ROBO1: variants seen among roughly 807,000 people sequenced by gnomAD.
ROBO1 encodes the protein roundabout homolog 1.
Under a neutral mutation model 195.9 loss-of-function variants are expected in ROBO1, and 149 were observed. The observed-to-expected ratio is 0.76, with a 90% CI of 0.67 to 0.87. ROBO1 has a LOEUF of 0.87. Ranked by LOEUF, ROBO1 falls within the 40% of genes least tolerant of loss-of-function variation. The probability of loss-of-function intolerance (pLI) is 0.00; values close to 1 mark genes in which losing one functional copy is unlikely to be tolerated. For missense variants in ROBO1, 1,933 were observed against 2,068.3 expected, an observed-to-expected ratio of 0.93 and a Z score of 1.27; for synonymous variants, 816 against 733.2, an observed-to-expected ratio of 1.11 and a Z score of -1.82.
intron 2 of ROBO1, among the ~76,000 whole-genome samples, chr3:79,583,564 A>G (rs190338919): frequency 2.0e-5 from 3 of 152,118 alleles, no homozygotes. Flanking sequence ...CCATCTATAA[A>G]TGTACCCATT....
At chr3:79,206,688 A>G (rs1435472623) in intron 2 of ROBO1, among the ~76,000 whole-genome samples, 1 of 152,144 alleles carries the variant, frequency 6.6e-6, no homozygotes, top group Non-Finnish European at 1.5e-5. Context: ...ATTTTAAAAT[A>G]TATCACTTCC....
intron 2 of ROBO1, among the ~76,000 whole-genome samples, chr3:79,276,897 C>G (rs1407895624): frequency 2.6e-5 from 4 of 151,892 alleles, no homozygotes; most frequent in Admixed American, 2.6e-4. Context: ...CAGATAAATG[C>G]AAATCAAAAA....
chr3:79,279,797 T>C (rs558685889), intron 2 of ROBO1, among the ~76,000 whole-genome samples: 28 of 152,186 alleles, frequency 1.8e-4, no homozygotes, highest in African/African-American at 6.5e-4. Flanking sequence ...TTGTGTGTCA[T>C]AGGTGTCCAA....
At chr3:79,442,451 C>T (rs150361532) in intron 2 of ROBO1, among the ~76,000 whole-genome samples, 1 of 152,162 alleles carries the variant, frequency 6.6e-6, no homozygotes, top group East Asian at 1.9e-4. Flanking sequence ...ATGTAACTAT[C>T]TTATTTCTCT....
intron 2 of ROBO1, among the ~76,000 whole-genome samples, chr3:79,407,893 TTCTAAG>T (rs1362046348): frequency 1.3e-5 from 2 of 152,162 alleles, no homozygotes; most frequent in African/African-American, 4.8e-5. Context: ...CAATGGACTC[TTCTAAG>T]TCTTATTTTC....
intron 2 of ROBO1, among the ~76,000 whole-genome samples, chr3:79,137,255 G>T (rs1012894361): frequency 6.6e-6 from 1 of 151,968 alleles, no homozygotes; most frequent in Admixed American, 6.6e-5. Flanking sequence ...ATTTGAAAAC[G>T]TTGTCTTCCA....
intron 2 of ROBO1, among the ~76,000 whole-genome samples, chr3:79,342,023 A>G (rs923300961): frequency 3.9e-5 from 6 of 152,188 alleles, no homozygotes; most frequent in Non-Finnish European, 8.8e-5. Context: ...GGGCTTTCCA[A>G]TTGAAGGGAA....
At chr3:78,613,586 A>G (rs1003589233) in intron 28 of ROBO1, among the ~76,000 whole-genome samples, 2 of 152,210 alleles carry the variant, frequency 1.3e-5, no homozygotes, top group African/African-American at 2.4e-5. Context: ...AATATCAGAT[A>G]GATGCCAGTG....
At chr3:78,840,304 C>A (rs1388917306) in intron 4 of ROBO1, among the ~76,000 whole-genome samples, 1 of 152,168 alleles carries the variant, frequency 6.6e-6, no homozygotes, top group Non-Finnish European at 1.5e-5. Context: ...ATGAAACAAA[C>A]AGTCCATAGA....
chr3:78,845,428 T>C (rs1408013729), intron 4 of ROBO1, among the ~76,000 whole-genome samples: 1 of 152,114 alleles, frequency 6.6e-6, no homozygotes, highest in African/African-American at 2.4e-5. Flanking sequence ...AAATTACACA[T>C]GTGGCTCATA....
intron 8 of ROBO1, among the ~76,000 whole-genome samples, chr3:78,690,907 C>T (rs1456641911): frequency 6.6e-6 from 1 of 152,108 alleles, no homozygotes; most frequent in Non-Finnish European, 1.5e-5. Flanking sequence ...TCTCCTCAAA[C>T]CTCAAAGACT....
intron 3 of ROBO1, 62 bp downstream of exon 3, chr3:79,125,394 A>ATGGT: frequency 7.7e-7 from 1 of 1,297,604 alleles, no homozygotes. Context: ...CAGGTGGTTG[A>ATGGT]TGGTTGATGG....
intron 8 of ROBO1, among the ~76,000 whole-genome samples, chr3:78,711,326 TC>T (rs1559772452): frequency 3.9e-4 from 38 of 96,906 alleles, no homozygotes; most frequent in African/African-American, 1.5e-3. Flanking sequence ...TCTCTCTCTC[TC>T]CTTCCTTCCT....
intron 3 of ROBO1, among the ~76,000 whole-genome samples, chr3:79,056,517 G>A (rs753776795): frequency 3.4e-4 from 51 of 152,198 alleles, no homozygotes; most frequent in East Asian, 5.8e-4. Context: ...ACCTCAAAAA[G>A]TTCACATTCG....
chr3:79,188,670 A>G (rs897709532), intron 2 of ROBO1, among the ~76,000 whole-genome samples: 1 of 151,676 alleles, frequency 6.6e-6, no homozygotes, highest in Non-Finnish European at 1.5e-5. Context: ...GAACCAATAC[A>G]TTTCATGGAA....
At chr3:79,033,620 C>T (rs939507270) in intron 3 of ROBO1, among the ~76,000 whole-genome samples, 1 of 152,066 alleles carries the variant, frequency 6.6e-6, no homozygotes, top group African/African-American at 2.4e-5. Context: ...TAAAGAATAT[C>T]CTTATCATCC....
intron 2 of ROBO1, among the ~76,000 whole-genome samples, chr3:79,537,790 G>A (rs988377994): frequency 1.8e-4 from 28 of 151,934 alleles, no homozygotes; most frequent in African/African-American, 6.3e-4. Context: ...TGCATGTGGG[G>A]CTTAAAACCA....
intron 14 of ROBO1, among the ~76,000 whole-genome samples, chr3:78,666,556 G>A (rs1178655344): frequency 6.6e-6 from 1 of 152,134 alleles, no homozygotes; most frequent in African/African-American, 2.4e-5. Context: ...TTACAAATGT[G>A]TATCTAATAT....
chr3:79,366,462 C>T (rs2035979578), intron 2 of ROBO1, among the ~76,000 whole-genome samples: 1 of 152,158 alleles, frequency 6.6e-6, no homozygotes, highest in African/African-American at 2.4e-5. Flanking sequence ...CTTTGACATT[C>T]ACCACTCTAC....
Sources: gnomAD v4.1 joint callset for allele counts (sites outside exome capture counted in the v4.1 genomes callset) on GRCh38, gnomAD v4.1.1 for gene constraint, MANE v1.5 for transcripts, NCBI Gene and HGNC (gene_info 2026-07-23, HGNC 2026-07-21) for gene names.